INSYN1: variants seen among roughly 807,000 people sequenced by gnomAD.
INSYN1 encodes the protein inhibitory synaptic factor 1.
INSYN1 carries 7 observed loss-of-function variants against 17.1 expected under a neutral mutation model. The observed-to-expected ratio is 0.41, with a 90% CI of 0.23 to 0.77. INSYN1 has a LOEUF of 0.77. Ranked by LOEUF, INSYN1 falls within the 30% of genes least tolerant of loss-of-function variation. The pLI is 0.32. For missense variants in INSYN1, 339 were observed against 400.6 expected, an observed-to-expected ratio of 0.85 and a Z score of 1.31; for synonymous variants, 174 against 166.3, an observed-to-expected ratio of 1.05 and a Z score of -0.36.
Position 73,740,000 on chromosome 15 carries a change from T to C in INSYN1, c.799A>G (p.Ser267Gly). ...EQTRRVTRNS[S>G]TQTVSDKSTQ... is the part of the protein sequence containing the mutation. ...CTCTTGTCTGACACTGTCTGGGTGC[T>C]GCTGTTCCTCGTGACCCTTCGAGTC... Residue 267 changes from serine (S) to glycine (G), a missense_variant, in exon 3 of 3, where the codon AGC (serine) becomes GGC (glycine). By Grantham distance (56) the Ser-to-Gly change is moderately conservative. Transcript: ENST00000569673. The C allele has an allele frequency of 6.2e-7, 1 of 1,613,052 alleles. No individual in the cohort carries two copies. The highest frequency in any genetic ancestry group is 8.5e-7 in the Non-Finnish European group (1 of 1,179,740).
At chr15:73,746,223 G>T (rs189997740) in intron 2 of INSYN1, among the ~76,000 whole-genome samples, 1 of 152,102 alleles carries the variant, frequency 6.6e-6, no homozygotes. Context: ...GAGGGGCAGC[G>T]AGCTGATCGT....
chr15:73,744,868 A>C (rs1400611525), intron 2 of INSYN1, among the ~76,000 whole-genome samples: 1 of 152,124 alleles, frequency 6.6e-6, no homozygotes, highest in African/African-American at 2.4e-5. Context: ...GGGGGCAATG[A>C]GGCTCAGAGA....
intron 2 of INSYN1, among the ~76,000 whole-genome samples, chr15:73,745,672 T>G (rs910702290): frequency 6.6e-6 from 1 of 151,878 alleles, no homozygotes; most frequent in African/African-American, 2.4e-5. Flanking sequence ...GAGTGATGAG[T>G]TGAGACAGAT....
At position 73,752,852 on chromosome 15, in the gene INSYN1, C is replaced by T. The variant is rs1246203292; in HGVS notation, c.-1310G>A. ...GGGCCCAGCCGAGAGCGCGCGAAGC[C>T]GGGGGCCCCGGCCGGGCTGGGTTCG... is the stretch of plus-strand genomic sequence containing the variant. On this transcript the variant is annotated 5_prime_UTR_variant, in exon 1 of 3. Transcript: ENST00000569673. The surrounding 1 kb of genome is among the most constrained non-coding windows in gnomAD (Gnocchi z 5.2). 6.6e-6 allele frequency: 1 copy of T among 150,666 alleles called. No individual in the cohort carries two copies. Among genetic ancestry groups the T allele is most frequent in the African/African-American group, 2.4e-5 (1 of 41,156 alleles). 9.3% of individuals were successfully genotyped at this position (150,666 alleles called of 1,614,324 possible). A position where few individuals can be genotyped will look rare whatever the true frequency, so the allele number is the denominator to read the frequency against.
Position 73,748,984 on chromosome 15 carries a change from G to C in INSYN1, c.156+1991C>G, listed in dbSNP as rs77058745. On this transcript the variant is annotated intron_variant, in intron 2 of 2. Transcript: ENST00000569673. ...AGGCACATGGCCTACAGGGTGTGTG[G>C]GGGGAGGGGACTCATTTTCTCTGTC... Among the ~76,000 whole-genome samples, 37 of 152,308 alleles carry C rather than the reference G, an allele frequency of 2.4e-4. 1 individual carries two copies. Among genetic ancestry groups the C allele is most frequent in the Non-Finnish European group, 4.7e-4 (32 of 68,008 alleles).
chr15:73,747,991 A>G (rs1374961876), intron 2 of INSYN1, among the ~76,000 whole-genome samples: 2 of 152,176 alleles, frequency 1.3e-5, no homozygotes, highest in African/African-American at 4.8e-5. Context: ...GCAGAGCTAT[A>G]GTAGGGGTTT....
rs1901544954 is a variant in INSYN1, at chr15:73,736,934, C to G, written c.*2983G>C. 1 of 152,898 alleles carries G rather than the reference C, an allele frequency of 6.5e-6. No individual in the cohort carries two copies. Among genetic ancestry groups the G allele is most frequent in the African/African-American group, 2.4e-5 (1 of 41,448 alleles). 9.5% of individuals were successfully genotyped at this position (152,898 alleles called of 1,614,324 possible). ...CAAAACAAAAACAAGAAAAAGGAAG[C>G]CACAGGGATCCCACTCCACTGTCAG... is the stretch of plus-strand genomic sequence containing the variant. On this transcript the variant is annotated 3_prime_UTR_variant, in exon 3 of 3. Transcript: ENST00000569673.
At chr15:73,742,455 C>T (rs7402796) in intron 2 of INSYN1, among the ~76,000 whole-genome samples, 136,764 of 152,110 alleles carry the variant, frequency 0.9, 62,239 homozygotes, top group Non-Finnish European at 0.98. Context: ...AATGACACCA[C>T]CTCCCATCTC....
In INSYN1 at chr15:73,752,576, T is replaced by TCTGCCCTGCC. The variant is rs1902020010; in HGVS notation, c.-1044_-1035dup. The TCTGCCCTGCC allele has an allele frequency of 6.6e-6, 1 of 152,110 alleles. No individual in the cohort carries two copies. The allele number at this position is 152,110 out of a possible 1,614,324, so 9.4% of individuals were successfully genotyped here. ...CGGCCGGGTCCGTGTTCCGCTGGGGTCTGCCCTGCCCTACCCCGCCCGGAG... is the reference window on the plus strand; with the variant it reads ...CGGCCGGGTCCGTGTTCCGCTGGGGTCTGCCCTGCCCTGCCCTGCCCTACCCCGCCCGGAG... On this transcript the variant is annotated 5_prime_UTR_variant, in exon 1 of 3. Coordinates refer to ENST00000569673, the MANE Select transcript of INSYN1 (RefSeq NM_001039614.3). This position sits in a 1 kb window ranked among gnomAD's most constrained non-coding sequence, Gnocchi z 5.2.
rs1345745388 is a variant in INSYN1 at position 73,750,870 on chromosome 15, TGCAC to T, written c.156+101_156+104del. On this transcript the variant is annotated intron_variant, in intron 2 of 2. Coordinates refer to ENST00000569673, the MANE Select transcript of INSYN1 (RefSeq NM_001039614.3). ...AAGGTCCCCAGTAGAGTGACACATGTGCACGCAGCTTTGCACACTCCAACGTATT... is the reference window on the plus strand; with the variant it reads ...AAGGTCCCCAGTAGAGTGACACATGTGCAGCTTTGCACACTCCAACGTATT... The T allele has an allele frequency of 4.9e-6, 6 of 1,219,242 alleles. No individual in the cohort carries two copies. The African/African-American group carries it at 7.4e-5, about 15-fold the overall frequency. The allele number at this position is 1,219,242 out of a possible 1,614,324, so 75.5% of individuals were successfully genotyped here. A position where few individuals can be genotyped will look rare whatever the true frequency, so the allele number is the denominator to read the frequency against.
At position 73,750,993 on chromosome 15, in the gene INSYN1, C is replaced by T. The variant is rs768516612; in HGVS notation, c.138G>A (p.Val46=). 5 of 1,614,100 alleles carry T rather than the reference C, an allele frequency of 3.1e-6. No homozygotes were observed. The highest frequency in any genetic ancestry group is 1.7e-5 in the Admixed American group (1 of 60,020). Reference sequence around the variant, plus strand: ...CACTTACCTCCCTCAGCTCCTTGGCCACCTCCTTGAGCTCGCGAAGGATGC... The same window carrying T: ...CACTTACCTCCCTCAGCTCCTTGGCTACCTCCTTGAGCTCGCGAAGGATGC... ...LEGILRELKE[V]AKELREVVSQ... is the part of the protein sequence containing the mutation. Residue 46 remains valine, a synonymous_variant, in exon 2 of 3, where the codon GTG becomes GTA. Transcript: ENST00000569673.
At chr15:73,748,697 C>T (rs568069709) in intron 2 of INSYN1, among the ~76,000 whole-genome samples, 3 of 152,210 alleles carry the variant, frequency 2.0e-5, no homozygotes, top group African/African-American at 4.8e-5. Flanking sequence ...TGGCACCCCC[C>T]CTTGGTAACC....
At position 73,750,965 on chromosome 15, in the gene INSYN1, C is replaced by T; in HGVS notation, c.156+10G>A. 5.0e-6 allele frequency: 8 copies of T among 1,614,032 alleles called. No homozygotes were observed. The highest frequency in any genetic ancestry group is 3.3e-5 in the Admixed American group (2 of 60,014). On this transcript the variant is annotated intron_variant, in intron 2 of 2. Coordinates refer to ENST00000569673, the MANE Select transcript of INSYN1 (RefSeq NM_001039614.3). ...AGGGTCTGTCTGGTCCCTCCTCACC[C>T]CTCACTTACCTCCCTCAGCTCCTTG...
chr15:73,746,537 G>A (rs1901839139), intron 2 of INSYN1, among the ~76,000 whole-genome samples: 1 of 152,076 alleles, frequency 6.6e-6, no homozygotes, highest in African/African-American at 2.4e-5. Flanking sequence ...CGATGGGACT[G>A]CACAATGGAA....
intron 2 of INSYN1, 33 bp from the exon 3 acceptor site, chr15:73,740,675 G>C: frequency 6.4e-7 from 1 of 1,552,110 alleles, no homozygotes; most frequent in Non-Finnish European, 8.8e-7. Flanking sequence ...GATGAGAGGG[G>C]CCAGGTGGGT....
At chr15:73,749,754 C>A (rs139793668) in intron 2 of INSYN1, among the ~76,000 whole-genome samples, 213 of 152,338 alleles carry the variant, frequency 1.4e-3, no homozygotes, top group Non-Finnish European at 2.3e-3. Context: ...CTGCCTGAAG[C>A]AACAGTCATT....
chr15:73,751,176 G>A lies in INSYN1; in HGVS notation c.-46C>T, dbSNP rs747982250. On this transcript the variant is annotated 5_prime_UTR_variant, in exon 2 of 3. Transcript: ENST00000569673. ...GCCTGCCCATACTCCCCCCAGCTGG[G>A]CACACACTGCGTCTGCCTCCACGGA... 2 of 1,605,694 alleles carry A rather than the reference G, an allele frequency of 1.2e-6. No homozygotes were observed. The highest frequency in any genetic ancestry group is 2.7e-5 in the African/African-American group (2 of 74,910).
intron 2 of INSYN1, among the ~76,000 whole-genome samples, chr15:73,749,811 C>T (rs1298508184): frequency 6.6e-6 from 1 of 152,166 alleles, no homozygotes; most frequent in African/African-American, 2.4e-5. Context: ...CGAGGCTGAC[C>T]CTGGACAGCT....
chr15:73,751,954 C>A (rs548550390), intron 1 of INSYN1, among the ~76,000 whole-genome samples, 156 bp downstream of exon 1: 6 of 147,210 alleles, frequency 4.1e-5, no homozygotes, highest in South Asian at 2.2e-4. Flanking sequence ...CCTCCCCCCC[C>A]ACCTTCCCCC....
Sources: gnomAD v4.1 joint callset for allele counts (sites outside exome capture counted in the v4.1 genomes callset) on GRCh38, gnomAD v4.1.1 for gene constraint, Gnocchi (gnomAD v3.1) non-coding constraint, MANE v1.5 for transcripts, NCBI Gene and HGNC (gene_info 2026-07-23, HGNC 2026-07-21) for gene names.